Variants in KCTD8 observed in about 807,000 individuals in gnomAD.
KCTD8 encodes BTB/POZ domain-containing protein KCTD8.
A neutral mutation model predicts 31.5 loss-of-function variants in KCTD8; 27 were observed. The observed-to-expected ratio is 0.86, with a 90% confidence interval of 0.63 to 1.18. The LOEUF (loss-of-function observed/expected upper bound fraction) is 1.18. Ranked by LOEUF, KCTD8 falls within the 50% of genes most tolerant of loss-of-function variation. The probability of loss-of-function intolerance (pLI) is 0.00; values close to 1 mark genes in which losing one functional copy is unlikely to be tolerated. For synonymous variants in KCTD8, 290 were observed against 280.0 expected, an observed-to-expected ratio of 1.04 and a Z score of -0.36; for missense variants, 658 against 647.7, an observed-to-expected ratio of 1.02 and a Z score of -0.17.
chr4:44,373,790 C>G (rs1719851266), intron 1 of KCTD8, among the ~76,000 whole-genome samples: 1 of 152,092 alleles, frequency 6.6e-6, no homozygotes. Flanking sequence ...TCCCATGCCA[C>G]ATTCCCTTCT....
At chr4:44,423,884 AATTATTC>A (rs1182449021) in intron 1 of KCTD8, among the ~76,000 whole-genome samples, 1 of 152,106 alleles carries the variant, frequency 6.6e-6, no homozygotes, top group African/African-American at 2.4e-5. Context: ...AAGACCTCTG[AATTATTC>A]ATGTGACTTG....
intron 1 of KCTD8, among the ~76,000 whole-genome samples, chr4:44,207,805 A>G (rs569020954): frequency 1.3e-5 from 2 of 152,328 alleles, no homozygotes; most frequent in South Asian, 4.1e-4. Flanking sequence ...ACAGAAAAAC[A>G]TACTGTTTTC....
chr4:44,207,289 T>C (rs147801921), intron 1 of KCTD8, among the ~76,000 whole-genome samples: 1 of 152,320 alleles, frequency 6.6e-6, no homozygotes, highest in East Asian at 1.9e-4. Flanking sequence ...ACCATCTCTT[T>C]CATATATTTG....
In KCTD8 at chr4:44,174,811, C is replaced by T. The variant is rs1169503529; in HGVS notation, c.1401G>A (p.Leu467=). ...ATTACTATAACCCATACTTCTGCAA[C>T]AGTTCAGATTGCCATTGGCGTTTGC... The part of the protein sequence containing the change: ...PERKRQWQSE[L]LQKYGL The change falls in exon 2 of 2, where the codon CTG becomes CTA. Residue 467 remains leucine, a synonymous_variant. Coordinates refer to ENST00000360029, the MANE Select transcript of KCTD8 (RefSeq NM_198353.3). 6.2e-7 allele frequency: 1 copy of T among 1,608,838 alleles called. No homozygotes were observed. The highest frequency in any genetic ancestry group is 8.5e-7 in the Non-Finnish European group (1 of 1,177,258).
At chr4:44,206,182 A>G (rs1714300097) in intron 1 of KCTD8, among the ~76,000 whole-genome samples, 1 of 152,166 alleles carries the variant, frequency 6.6e-6, no homozygotes, top group South Asian at 2.1e-4. Flanking sequence ...TTTAAGTCTC[A>G]GATTTGCTAA....
chr4:44,342,700 T>C (rs1718934262), intron 1 of KCTD8, among the ~76,000 whole-genome samples: 1 of 152,240 alleles, frequency 6.6e-6, no homozygotes, highest in South Asian at 2.1e-4. Flanking sequence ...GAAGGCTGTT[T>C]TCTACATACT....
intron 1 of KCTD8, among the ~76,000 whole-genome samples, chr4:44,234,603 C>G (rs1715221492): frequency 6.6e-6 from 1 of 152,148 alleles, no homozygotes; most frequent in Admixed American, 6.6e-5. Context: ...CAGGGTATAA[C>G]TCCATTGCAT....
At chr4:44,212,528 T>C (rs1193862186) in intron 1 of KCTD8, among the ~76,000 whole-genome samples, 1 of 152,154 alleles carries the variant, frequency 6.6e-6, no homozygotes, top group Non-Finnish European at 1.5e-5. Context: ...CCAAGAATTC[T>C]AGATTTTCAA....
chr4:44,317,833 AC>A (rs1718182595), intron 1 of KCTD8, among the ~76,000 whole-genome samples: 2 of 152,126 alleles, frequency 1.3e-5, no homozygotes, highest in Admixed American at 1.3e-4. Flanking sequence ...TCTAATACTC[AC>A]TAGTAGCAGT....
At chr4:44,403,855 A>G (rs961142764) in intron 1 of KCTD8, among the ~76,000 whole-genome samples, 18 of 151,968 alleles carry the variant, frequency 1.2e-4, no homozygotes, top group Non-Finnish European at 1.5e-4. Flanking sequence ...ATAAAGACAT[A>G]TGTTAGATGA....
intron 1 of KCTD8, among the ~76,000 whole-genome samples, chr4:44,361,694 G>C (rs566435654): frequency 6.6e-6 from 1 of 152,146 alleles, no homozygotes; most frequent in Admixed American, 6.5e-5. Context: ...AATTTTTAAT[G>C]ATTTAATGAG....
At chr4:44,211,301 T>C (rs574381777) in intron 1 of KCTD8, among the ~76,000 whole-genome samples, 19 of 152,328 alleles carry the variant, frequency 1.2e-4, no homozygotes, top group African/African-American at 4.1e-4. Flanking sequence ...ACATATTTCA[T>C]AAAGACAGCT....
chr4:44,286,480 T>C (rs1717073665), intron 1 of KCTD8, among the ~76,000 whole-genome samples: 1 of 152,114 alleles, frequency 6.6e-6, no homozygotes, highest in Admixed American at 6.6e-5. Flanking sequence ...GATCCATAAC[T>C]GACTACTTTT....
chr4:44,324,073 CA>C (rs1170127314), intron 1 of KCTD8, among the ~76,000 whole-genome samples: 20 of 136,036 alleles, frequency 1.5e-4, no homozygotes, highest in East Asian at 6.4e-4. Context: ...CAAAACAAAA[CA>C]AAAAAAAAAG....
chr4:44,376,001 G>C (rs1297321298), intron 1 of KCTD8, among the ~76,000 whole-genome samples: 1 of 151,964 alleles, frequency 6.6e-6, no homozygotes, highest in African/African-American at 2.4e-5. Context: ...ACCTCTAAGG[G>C]GAGTGATTAT....
chr4:44,309,549 T>C (rs1264746641), intron 1 of KCTD8, among the ~76,000 whole-genome samples: 1 of 152,136 alleles, frequency 6.6e-6, no homozygotes, highest in East Asian at 1.9e-4. Context: ...TTAATTCTCT[T>C]TTACTCACAA....
chr4:44,414,827 C>A (rs1409165241), intron 1 of KCTD8, among the ~76,000 whole-genome samples: 2 of 152,060 alleles, frequency 1.3e-5, no homozygotes, highest in African/African-American at 4.8e-5. Context: ...TAGTGCCATC[C>A]CCTTGGTAGC....
At chr4:44,385,600 TACA>T (rs1720190143) in intron 1 of KCTD8, among the ~76,000 whole-genome samples, 1 of 151,644 alleles carries the variant, frequency 6.6e-6, no homozygotes, top group African/African-American at 2.4e-5. Context: ...TTAAAACTCT[TACA>T]ACAAAATCGG....
chr4:44,416,857 C>T, intron 1 of KCTD8, among the ~76,000 whole-genome samples: 1 of 152,118 alleles, frequency 6.6e-6, no homozygotes, highest in East Asian at 1.9e-4. Flanking sequence ...TGAATTAACA[C>T]ATTTATGTTG....
Sources: gnomAD v4.1 joint callset for allele counts (sites outside exome capture counted in the v4.1 genomes callset) on GRCh38, gnomAD v4.1.1 for gene constraint, MANE v1.5 for transcripts, NCBI Gene and HGNC (gene_info 2026-07-23, HGNC 2026-07-21) for gene names.